Variants in KDM1A observed in about 807,000 individuals in gnomAD.
The protein encoded by KDM1A is lysine demethylase 1A.
In KDM1A, 49 loss-of-function variants were observed where a neutral mutation model predicts 109.4. That is an observed-to-expected ratio of 0.45 (90% CI 0.36 to 0.57). The LOEUF (loss-of-function observed/expected upper bound fraction) is 0.57, where lower values mean the gene tolerates loss of function less well. Among genes scored for constraint, KDM1A ranks in the 20% least tolerant of loss-of-function variants. The pLI is 0.00. For missense variants in KDM1A, 668 were observed against 1,116.6 expected, an observed-to-expected ratio of 0.60 and a Z score of 5.73; for synonymous variants, 380 against 415.4, an observed-to-expected ratio of 0.91 and a Z score of 1.04.
Position 23,037,564 on chromosome 1 carries a change from C to A in KDM1A, c.518-6863C>A, listed in dbSNP as rs542980198. 3.3e-5 allele frequency among the ~76,000 whole-genome samples: 5 copies of A among 152,244 alleles called. No individual in the cohort carries two copies. In the East Asian group the frequency reaches 9.6e-4, roughly 29 times the overall value. ...ATCATTTTTGTGGTGAGAACACTTA[C>A]CCACTTTCTTGGTATTTTTCAAGAA... On this transcript the variant is annotated intron_variant, in intron 2 of 20. Transcript: ENST00000400181.
intron 1 of KDM1A, among the ~76,000 whole-genome samples, chr1:23,022,773 C>T (rs1462443919): frequency 6.8e-6 from 1 of 147,564 alleles, no homozygotes; most frequent in African/African-American, 2.5e-5. Context: ...ATTCTCCTGC[C>T]TTAGCCAGCC....
At chr1:23,059,915 G>A (rs1642952392) in intron 9 of KDM1A, among the ~76,000 whole-genome samples, 1 of 152,072 alleles carries the variant, frequency 6.6e-6, no homozygotes, top group African/African-American at 2.4e-5. Flanking sequence ...GTATACGGTG[G>A]GTTTAGCTAT....
intron 2 of KDM1A, among the ~76,000 whole-genome samples, chr1:23,036,444 G>GCCCCCCCCTCCCCCCCCC (rs1642145183): frequency 2.5e-5 from 3 of 121,596 alleles, no homozygotes; most frequent in Non-Finnish European, 5.1e-5. Flanking sequence ...TTCTTGCCAC[G>GCCCCCCCCTCCCCCCCCC]CCCCCCCCCT....
rs577387840 is a variant in KDM1A, at chr1:23,037,494, G to T, written c.517+6860G>T. Among the ~76,000 whole-genome samples the T allele has an allele frequency of 2.4e-4, 37 of 152,228 alleles. 1 individual carries two copies. In the South Asian group the frequency reaches 7.1e-3, roughly 29 times the overall value. ...TGTTTTGAAGTATAAATACATTGCA[G>T]AATGACCAAATTTAGCTGATAAACA... On this transcript the variant is annotated intron_variant, in intron 2 of 20. Transcript: ENST00000400181.
Position 23,019,628 on chromosome 1 carries a change from C to G in KDM1A, c.32C>G (p.Ala11Gly). 1 of 1,415,502 alleles carries G rather than the reference C, an allele frequency of 7.1e-7. No individual in the cohort carries two copies. The highest frequency in any genetic ancestry group is 9.1e-7 in the Non-Finnish European group (1 of 1,093,366). The allele number at this position is 1,415,502 out of a possible 1,614,324, so 87.7% of individuals were successfully genotyped here. ...TCTGGGAAGAAGGCGGCAGCCGCGGCGGCGGCGGCTGCAGCGGCAGCAACC... is the reference window on the plus strand; with the variant it reads ...TCTGGGAAGAAGGCGGCAGCCGCGGGGGCGGCGGCTGCAGCGGCAGCAACC... MLSGKKAAAA[A>G]AAAAAAATGT... Residue 11 changes from alanine (A) to glycine (G), a missense_variant, in exon 1 of 21, where the codon GCG becomes GGG. Ala to Gly is a moderately conservative substitution (Grantham distance 60, BLOSUM62 0). This residue lies in a region of KDM1A where 156 missense variants were observed against 163.4 expected (regional missense o/e 0.95). Coordinates refer to ENST00000400181, the MANE Select transcript of KDM1A (RefSeq NM_001009999.3).
At chr1:23,044,226 G>A (rs569942744) in intron 2 of KDM1A, 138 of 515,196 alleles carry the variant, frequency 2.7e-4, no homozygotes, top group Admixed American at 1.2e-3. Context: ...GAATCAACAT[G>A]TAAAGTTGAA....
chr1:23,019,847 A>G lies in KDM1A; in HGVS notation c.251A>G (p.Gln84Arg). 6 of 1,486,002 alleles carry G rather than the reference A, an allele frequency of 4.0e-6. No individual in the cohort carries two copies. The highest frequency in any genetic ancestry group is 5.4e-6 in the Non-Finnish European group (6 of 1,121,318). 92.1% of individuals were successfully genotyped at this position (1,486,002 alleles called of 1,614,324 possible). ...GAACCGCCGGGGTCCGCAGGGCCTC[A>G]GGCCGGCCCTACTGTCGTGCCTGGG... is the stretch of plus-strand genomic sequence containing the variant. ...LAEPPGSAGP[Q>R]AGPTVVPGSA... Residue 84 changes from glutamine to arginine, a missense_variant, in exon 1 of 21, where the codon CAG (glutamine) becomes CGG (arginine). Coordinates refer to ENST00000400181, the MANE Select transcript of KDM1A (RefSeq NM_001009999.3).
At chr1:23,053,873 T>C in intron 5 of KDM1A, 34 bp downstream of exon 5, 1 of 1,161,018 alleles carries the variant, frequency 8.6e-7, no homozygotes, top group Non-Finnish European at 1.3e-6. Flanking sequence ...TAATTTGTAC[T>C]GGATTGTGAA....
intron 5 of KDM1A, among the ~76,000 whole-genome samples, chr1:23,054,826 G>C (rs1170423238): frequency 6.6e-6 from 1 of 151,892 alleles, no homozygotes; most frequent in African/African-American, 2.4e-5. Context: ...GGGTCTTGCT[G>C]TGTTTCCCAG....
chr1:23,071,348 G>A lies in KDM1A; in HGVS notation c.1537G>A (p.Ala513Thr), dbSNP rs758354898. 34 of 1,609,018 alleles carry A rather than the reference G, an allele frequency of 2.1e-5. No individual in the cohort carries two copies. Among genetic ancestry groups the A allele is most frequent in the East Asian group, 1.8e-4 (8 of 44,858 alleles). Residue 513 changes from alanine (A) to threonine (T), a missense_variant, in exon 13 of 21, where the codon GCC (alanine) becomes ACC (threonine). Ala to Thr is a moderately conservative substitution (Grantham distance 58). Around this residue, in one of 8 missense-constraint regions of KDM1A, gnomAD observed 162 missense variants for 376.4 expected, o/e 0.43. Coordinates refer to ENST00000400181, the MANE Select transcript of KDM1A (RefSeq NM_001009999.3). ...LVKSKHRDLTALCKEYDELAE... is the reference protein window; with the variant it reads ...LVKSKHRDLTTLCKEYDELAE... ...GAAAAGCAAACACAGGGATCTGACC[G>A]CCCTATGCAAGGTGTGGTATACATA...
chr1:23,044,869 C>CA (rs1642456824), intron 3 of KDM1A, among the ~76,000 whole-genome samples: 1 of 152,106 alleles, frequency 6.6e-6, no homozygotes, highest in Non-Finnish European at 1.5e-5. Flanking sequence ...AAAGCAAAAA[C>CA]AAACGGGACT....
In KDM1A at chr1:23,063,216, GGGT is replaced by G. The variant is rs1557569722; in HGVS notation, c.1168-2841_1168-2839del. On this transcript the variant is annotated intron_variant, in intron 9 of 20. Coordinates refer to ENST00000400181, the MANE Select transcript of KDM1A (RefSeq NM_001009999.3). ...AGCATTGGGGGGGGGGTGTGGTGTGGGGTGGGTGTGTGTGGGTGTGTGTGTGTG... is the reference window on the plus strand; with the variant it reads ...AGCATTGGGGGGGGGGTGTGGTGTGGGGGTGTGTGTGGGTGTGTGTGTGTG... 2.6e-4 allele frequency among the ~76,000 whole-genome samples: 10 copies of G among 38,714 alleles called. 1 individual carries two copies. The highest frequency in any genetic ancestry group is 4.8e-4 in the Non-Finnish European group (9 of 18,618). The allele number at this position is 38,714 out of a possible 152,430, so 25.4% of individuals were successfully genotyped here.
In KDM1A at chr1:23,057,453, G is replaced by C. The variant is rs1333662982; in HGVS notation, c.991-31G>C. ...CCAGGTTTGTGGTTAAAACAGAATT[G>C]ATGATTTTGGCTACTTAATTTCTGA... On this transcript the variant is annotated intron_variant, in intron 7 of 20. Transcript: ENST00000400181. 4 of 1,566,794 alleles carry C rather than the reference G, an allele frequency of 2.6e-6. No individual in the cohort carries two copies. In the African/African-American group the frequency reaches 5.4e-5, roughly 21 times the overall value.
chr1:23,038,447 T>C (rs1433424086), intron 2 of KDM1A, among the ~76,000 whole-genome samples: 1 of 152,202 alleles, frequency 6.6e-6, no homozygotes, highest in African/African-American at 2.4e-5. Flanking sequence ...TTGTAAGCTT[T>C]GTTATTAACC....
rs778453596 is a variant in KDM1A at position 23,071,320 on chromosome 1, A to C, written c.1509A>C (p.Leu503Phe). 6.2e-7 allele frequency: 1 copy of C among 1,613,462 alleles called. No homozygotes were observed. Among genetic ancestry groups the C allele is most frequent in the African/African-American group, 1.3e-5 (1 of 74,896 alleles). The change falls in exon 13 of 21, where the codon TTA becomes TTC. Residue 503 changes from leucine (L) to phenylalanine (F), a missense_variant. Physicochemically the swap from Leu to Phe is conservative, Grantham distance 22 (BLOSUM62 0). Transcript: ENST00000400181. Reference protein sequence around the residue: ...KPPRDITAEFLVKSKHRDLTA... With the variant: ...KPPRDITAEFFVKSKHRDLTA... ...CCAGAGATATTACTGCCGAGTTCTT[A>C]GTGAAAAGCAAACACAGGGATCTGA...
chr1:23,080,354 C>G (rs2124548795), intron 18 of KDM1A, among the ~76,000 whole-genome samples: 1 of 152,308 alleles, frequency 6.6e-6, no homozygotes, highest in South Asian at 2.1e-4. Flanking sequence ...CCTTCCCCAT[C>G]CAGGCTGTCA....
At chr1:23,065,045 T>C (rs1351419980) in intron 9 of KDM1A, among the ~76,000 whole-genome samples, 1 of 152,252 alleles carries the variant, frequency 6.6e-6, no homozygotes, top group Non-Finnish European at 1.5e-5. Context: ...ACCTGCCTTC[T>C]AATGTGGTAC....
intron 1 of KDM1A, among the ~76,000 whole-genome samples, chr1:23,024,099 T>G (rs925374464): frequency 6.6e-5 from 10 of 152,182 alleles, no homozygotes; most frequent in African/African-American, 2.4e-4. Flanking sequence ...TCCTCCTGCC[T>G]CAGCCTCCCA....
chr1:23,071,120 G>T, intron 12 of KDM1A, 105 bp from the exon 13 acceptor site: 1 of 850,444 alleles, frequency 1.2e-6, no homozygotes, highest in South Asian at 1.8e-5. Context: ...TTGTAGCCCT[G>T]TTTTGTTGGG....
Sources: gnomAD v4.1 joint callset for allele counts (sites outside exome capture counted in the v4.1 genomes callset) on GRCh38, gnomAD v4.1.1 for gene constraint, gnomAD v4.1.1 regional missense constraint, MANE v1.5 for transcripts, NCBI Gene and HGNC (gene_info 2026-07-23, HGNC 2026-07-21) for gene names.